The following PDE3A variants were observed in gnomAD, a reference collection of about 807,000 sequenced individuals.
PDE3A encodes the protein phosphodiesterase 3A.
A neutral mutation model predicts 98.3 loss-of-function variants in PDE3A; 43 were observed. The ratio of observed to expected loss-of-function variants is 0.44; its 90% CI spans 0.34 to 0.56. The LOEUF (loss-of-function observed/expected upper bound fraction) is 0.56. Ranked by LOEUF, PDE3A falls within the 20% of genes least tolerant of loss-of-function variation. The pLI is 0.01. For synonymous variants in PDE3A, 663 were observed against 567.9 expected, an observed-to-expected ratio of 1.17 and a Z score of -2.38; for missense variants, 1,427 against 1,440.7, an observed-to-expected ratio of 0.99 and a Z score of 0.15.
intron 8 of PDE3A, 61 bp downstream of exon 8, chr12:20,635,117 T>G: frequency 6.8e-7 from 1 of 1,464,432 alleles, no homozygotes; most frequent in Admixed American, 1.9e-5. Context: ...TTACAGATAT[T>G]GGCTCAGAAA....
intron 1 of PDE3A, among the ~76,000 whole-genome samples, chr12:20,494,618 T>C (rs1019142420): frequency 6.6e-6 from 1 of 152,158 alleles, no homozygotes; most frequent in South Asian, 2.1e-4. Flanking sequence ...TGATAAATTA[T>C]GACTTTCCTT....
chr12:20,472,658 T>G lies in PDE3A; in HGVS notation c.961-84002T>G, dbSNP rs147097215. On this transcript the variant is annotated intron_variant, in intron 1 of 15. Coordinates refer to ENST00000359062, the MANE Select transcript of PDE3A (RefSeq NM_000921.5). ...AAAAACAGTAAGTAGCTAGTGACTCTGTACACAGAGAAAAAAATAAAGAAC... is the reference window on the plus strand; with the variant it reads ...AAAAACAGTAAGTAGCTAGTGACTCGGTACACAGAGAAAAAAATAAAGAAC... Among the ~76,000 whole-genome samples, 45 of 152,316 alleles carry G rather than the reference T, an allele frequency of 3.0e-4. No individual in the cohort carries two copies. In the East Asian group the frequency reaches 8.1e-3, roughly 27 times the overall value.
intron 15 of PDE3A, among the ~76,000 whole-genome samples, chr12:20,671,732 C>T (rs1185946733): frequency 1.4e-5 from 2 of 140,538 alleles, no homozygotes; most frequent in South Asian, 2.5e-4. Context: ...GACAAACCCA[C>T]AGCCAATATC....
At chr12:20,432,647 C>T (rs1218981923) in intron 1 of PDE3A, among the ~76,000 whole-genome samples, 1 of 152,086 alleles carries the variant, frequency 6.6e-6, no homozygotes, top group Non-Finnish European at 1.5e-5. Context: ...GGAAGAGCTT[C>T]AATTATTTTT....
chr12:20,615,163 C>CAA, intron 3 of PDE3A, among the ~76,000 whole-genome samples: 1 of 151,952 alleles, frequency 6.6e-6, no homozygotes, highest in South Asian at 2.1e-4. Context: ...CTTGGCCTCC[C>CAA]AAAGTGTTGG....
At chr12:20,441,567 G>T (rs540454311) in intron 1 of PDE3A, among the ~76,000 whole-genome samples, 1 of 152,136 alleles carries the variant, frequency 6.6e-6, no homozygotes, top group Non-Finnish European at 1.5e-5. Flanking sequence ...TATGGATAAA[G>T]AATTTAGGAC....
intron 2 of PDE3A, among the ~76,000 whole-genome samples, chr12:20,560,922 G>A (rs1477536676): frequency 1.3e-5 from 2 of 150,330 alleles, no homozygotes; most frequent in Non-Finnish European, 3.0e-5. Context: ...GTTTGCAAAT[G>A]AAATACTGGA....
At chr12:20,422,298 C>A (rs939717975) in intron 1 of PDE3A, among the ~76,000 whole-genome samples, 1 of 151,630 alleles carries the variant, frequency 6.6e-6, no homozygotes, top group African/African-American at 2.4e-5. Flanking sequence ...GAGCCAAGAT[C>A]GCACCACTGC....
intron 1 of PDE3A, among the ~76,000 whole-genome samples, chr12:20,467,933 C>CAAAAAAAAAAAAAAAA (rs60320142): frequency 5.6e-5 from 2 of 35,698 alleles, no homozygotes; most frequent in African/African-American, 1.0e-4. Flanking sequence ...GACTCCTTCT[C>CAAAAAAAAAAAAAAAA]AAAAAAAAAA....
chr12:20,588,839 C>T (rs1265084527), intron 2 of PDE3A, among the ~76,000 whole-genome samples: 7 of 152,176 alleles, frequency 4.6e-5, no homozygotes, highest in Admixed American at 1.3e-4. Flanking sequence ...CACCTCAACC[C>T]TTCCCACTGC....
intron 1 of PDE3A, among the ~76,000 whole-genome samples, chr12:20,463,604 C>T (rs549894387): frequency 6.6e-6 from 1 of 152,194 alleles, no homozygotes; most frequent in South Asian, 2.1e-4. Context: ...ATCTCTAGAG[C>T]TACAAGGATG....
chr12:20,512,553 A>G (rs1946247207), intron 1 of PDE3A, among the ~76,000 whole-genome samples: 1 of 152,070 alleles, frequency 6.6e-6, no homozygotes, highest in South Asian at 2.1e-4. Context: ...TTACAATGTT[A>G]TTGCTTGGGG....
intron 1 of PDE3A, among the ~76,000 whole-genome samples, chr12:20,461,227 T>G: frequency 8.0e-6 from 1 of 124,438 alleles, no homozygotes; most frequent in Admixed American, 8.7e-5. Flanking sequence ...AGGCTAGGAG[T>G]GTTTGTCAGA....
chr12:20,498,108 T>G (rs966876655), intron 1 of PDE3A, among the ~76,000 whole-genome samples: 14 of 152,304 alleles, frequency 9.2e-5, no homozygotes, highest in African/African-American at 3.4e-4. Flanking sequence ...CTATCATTTT[T>G]CCATTTATCC....
At chr12:20,663,574 G>A (rs959845846) in intron 15 of PDE3A, among the ~76,000 whole-genome samples, 2 of 152,180 alleles carry the variant, frequency 1.3e-5, no homozygotes, top group African/African-American at 4.8e-5. Flanking sequence ...TTAACTTTAA[G>A]GTATAACAAC....
At chr12:20,634,016 A>G (rs1307762633) in intron 7 of PDE3A, among the ~76,000 whole-genome samples, 1 of 152,140 alleles carries the variant, frequency 6.6e-6, no homozygotes, top group Admixed American at 6.5e-5. Flanking sequence ...TTTAAATTAT[A>G]GATTTAAAAG....
intron 1 of PDE3A, among the ~76,000 whole-genome samples, chr12:20,409,794 T>A (rs1275856443): frequency 2.0e-5 from 3 of 152,162 alleles, no homozygotes; most frequent in Admixed American, 2.0e-4. Context: ...CAAGTGCACA[T>A]TGGAGCAAGC....
At chr12:20,387,648 A>G (rs1943836805) in intron 1 of PDE3A, among the ~76,000 whole-genome samples, 1 of 152,016 alleles carries the variant, frequency 6.6e-6, no homozygotes, top group South Asian at 2.1e-4. Flanking sequence ...ATCTGTTGAC[A>G]TACAGAGCAC....
intron 2 of PDE3A, among the ~76,000 whole-genome samples, chr12:20,577,535 A>G (rs1338567520): frequency 1.3e-5 from 2 of 152,186 alleles, no homozygotes; most frequent in Non-Finnish European, 2.9e-5. Context: ...GTATAATTTG[A>G]ACAAGGCTGG....
Sources: allele counts gnomAD v4.1 joint callset (sites outside exome capture counted in the v4.1 genomes callset), GRCh38; gene constraint gnomAD v4.1.1; transcripts MANE v1.5; gene names NCBI Gene and HGNC (gene_info 2026-07-23, HGNC 2026-07-21).